Variants in POR observed in about 807,000 individuals in gnomAD.
POR encodes cytochrome p450 oxidoreductase.
A neutral mutation model predicts 84.0 loss-of-function variants in POR; 56 were observed. The observed-to-expected ratio is 0.67, with a 90% CI of 0.54 to 0.83. The LOEUF is 0.83. POR is among the 40% of genes least tolerant of loss of function. The probability of loss-of-function intolerance (pLI) is 0.00; values close to 1 mark genes in which losing one functional copy is unlikely to be tolerated. For missense variants in POR, 938 were observed against 944.3 expected (o/e 0.99, Z 0.09); for synonymous variants, 414 against 400.5 (o/e 1.03, Z -0.40).
In POR at chr7:75,983,622, G is replaced by C. The variant is rs782746771; in HGVS notation, c.933G>C (p.Ser311=). 1.9e-6 allele frequency: 3 copies of C among 1,612,762 alleles called. No homozygotes were observed. The Admixed American group carries it at 5.0e-5, about 27-fold the overall frequency. ...TCATGCACCTGGAATTGGACATCTC[G>C]GACTCCAAAATCAGGTACCAGCTGC... is the stretch of plus-strand genomic sequence containing the variant. The change falls in exon 9 of 16, where the codon TCG becomes TCC. Residue 311 remains serine (S), a synonymous_variant. Coordinates refer to ENST00000461988, the MANE Select transcript of POR (RefSeq NM_000941.3).
chr7:75,936,650 A>G (rs1215640454), intron 1 of POR, among the ~76,000 whole-genome samples: 1 of 151,658 alleles, frequency 6.6e-6, no homozygotes, highest in African/African-American at 2.4e-5. Context: ...GAATTGTAAC[A>G]CATGCGTGTG....
intron 1 of POR, among the ~76,000 whole-genome samples, chr7:75,950,243 G>A (rs781989276): frequency 2.0e-5 from 3 of 152,156 alleles, no homozygotes; most frequent in Non-Finnish European, 2.9e-5. Context: ...ATTCTCTTGC[G>A]GTGATTACGT....
chr7:75,977,961 C>T (rs772051459), intron 3 of POR, among the ~76,000 whole-genome samples: 37 of 152,300 alleles, frequency 2.4e-4, no homozygotes, highest in Non-Finnish European at 4.0e-4. Context: ...CCAGCCCCAA[C>T]GGGCTCTGGG....
chr7:75,975,604 G>C (rs1554556705), intron 3 of POR, among the ~76,000 whole-genome samples: 1 of 151,974 alleles, frequency 6.6e-6, no homozygotes, highest in Non-Finnish European at 1.5e-5. Context: ...CTCAAACCTG[G>C]GCAACAGCTA....
chr7:75,919,291 C>A (rs1199597604), intron 1 of POR, among the ~76,000 whole-genome samples: 4 of 152,080 alleles, frequency 2.6e-5, no homozygotes, highest in Admixed American at 2.6e-4. Flanking sequence ...AGCTCTACAT[C>A]TTAAAAGTTT....
At chr7:75,923,587 C>G in intron 1 of POR, 1 of 332,634 alleles carries the variant, frequency 3.0e-6, no homozygotes, top group Non-Finnish European at 5.7e-6. Flanking sequence ...AAGGAAGGGT[C>G]AAAGGAAAGA....
intron 1 of POR, chr7:75,947,245 G>C (rs1296797235): frequency 1.3e-5 from 2 of 152,172 alleles, no homozygotes; most frequent in Admixed American, 6.5e-5. Context: ...GTCCAGACAG[G>C]TACACTGGAA....
chr7:75,937,620 A>G (rs1359895505), intron 1 of POR, among the ~76,000 whole-genome samples: 1 of 151,452 alleles, frequency 6.6e-6, no homozygotes, highest in Admixed American at 6.6e-5. Flanking sequence ...CATCTCTACT[A>G]AAAATACAAA....
intron 1 of POR, chr7:75,918,629 T>G (rs542897656): frequency 6.6e-6 from 1 of 152,252 alleles, no homozygotes; most frequent in Admixed American, 6.6e-5. Context: ...AGGATATGTG[T>G]AGGCTCTGGT....
At chr7:75,978,645 TC>T (rs1563428416) in intron 3 of POR, among the ~76,000 whole-genome samples, 1 of 152,220 alleles carries the variant, frequency 6.6e-6, no homozygotes, top group South Asian at 2.1e-4. Flanking sequence ...TGCCTCAGCC[TC>T]CCAAGTAGCT....
intron 2 of POR, among the ~76,000 whole-genome samples, chr7:75,960,014 G>A (rs1408892029): frequency 6.6e-6 from 1 of 152,096 alleles, no homozygotes; most frequent in African/African-American, 2.4e-5. Context: ...TTCCTGCCAG[G>A]TGTGGTGGCT....
At chr7:75,980,518 CCGGTGGCCTG>C in intron 5 of POR, 30 bp downstream of exon 5, 1 of 1,612,694 alleles carries the variant, frequency 6.2e-7, no homozygotes, top group Non-Finnish European at 8.5e-7. Flanking sequence ...CTATGGGCTC[CCGGTGGCCTG>C]CGGTGCCTCC....
At chr7:75,923,888 C>CA (rs563267608) in intron 1 of POR, among the ~76,000 whole-genome samples, 5,823 of 100,956 alleles carry the variant, frequency 0.058, 300 homozygotes, top group African/African-American at 0.17. Flanking sequence ...AACTCCATCT[C>CA]AAAAAAAAAA....
At chr7:75,976,394 G>T (rs1470519118) in intron 3 of POR, among the ~76,000 whole-genome samples, 1 of 151,480 alleles carries the variant, frequency 6.6e-6, no homozygotes, top group Non-Finnish European at 1.5e-5. Flanking sequence ...ATTGAGCCAA[G>T]ATCGCACCAC....
intron 2 of POR, among the ~76,000 whole-genome samples, chr7:75,970,037 G>A (rs1433616443): frequency 6.6e-6 from 1 of 152,186 alleles, no homozygotes; most frequent in Non-Finnish European, 1.5e-5. Flanking sequence ...AGGTGGGAAG[G>A]GGTCACAGGA....
intron 1 of POR, among the ~76,000 whole-genome samples, chr7:75,951,997 C>T (rs1370271033): frequency 1.3e-5 from 2 of 149,388 alleles, no homozygotes; most frequent in Non-Finnish European, 3.0e-5. Flanking sequence ...GACGGGGCGG[C>T]TGGCGGGGCA....
chr7:75,948,350 G>T (rs1787268878), intron 1 of POR, among the ~76,000 whole-genome samples: 1 of 152,230 alleles, frequency 6.6e-6, no homozygotes, highest in Admixed American at 6.5e-5. Context: ...CAGTGTGCTG[G>T]TCGGGGCTGG....
At chr7:75,933,998 T>A (rs1183755764) in intron 1 of POR, among the ~76,000 whole-genome samples, 1 of 151,362 alleles carries the variant, frequency 6.6e-6, no homozygotes, top group Non-Finnish European at 1.5e-5. Flanking sequence ...CAAAATACAG[T>A]GATCAATAGC....
chr7:75,917,355 A>G (rs1585079207), intron 1 of POR, among the ~76,000 whole-genome samples: 1 of 148,500 alleles, frequency 6.7e-6, no homozygotes, highest in African/African-American at 2.5e-5. Flanking sequence ...GGTGTGAGCC[A>G]CCGTTCCTGG....
Sources: allele counts gnomAD v4.1 joint callset (sites outside exome capture counted in the v4.1 genomes callset), GRCh38; gene constraint gnomAD v4.1.1; transcripts MANE v1.5; gene names NCBI Gene and HGNC (gene_info 2026-07-23, HGNC 2026-07-21).